Variants in SUPT3H observed in about 807,000 individuals in gnomAD.
The protein encoded by SUPT3H is SPT3 homolog, SAGA and STAGA complex component.
In SUPT3H, 44 loss-of-function variants were observed where a neutral mutation model predicts 44.3. The ratio of observed to expected loss-of-function variants is 0.99; its 90% CI spans 0.78 to 1.28. The LOEUF is 1.28. Among genes scored for constraint, SUPT3H ranks in the 50% most tolerant of loss-of-function variants. The pLI is 0.00. For synonymous variants in SUPT3H, 124 were observed against 125.6 expected (o/e 0.99, Z 0.09); for missense variants, 380 against 387.1 (o/e 0.98, Z 0.15).
chr6:45,071,321 T>A (rs1195544949), intron 3 of SUPT3H, among the ~76,000 whole-genome samples: 1 of 152,082 alleles, frequency 6.6e-6, no homozygotes. Flanking sequence ...TTAGAAACAT[T>A]GAAAAAAATT....
intron 6 of SUPT3H, among the ~76,000 whole-genome samples, chr6:45,001,315 A>T (rs1164733526): frequency 6.6e-6 from 1 of 152,050 alleles, no homozygotes; most frequent in Admixed American, 6.6e-5. Context: ...ATTTAAAAGG[A>T]TGTTCTGAGA....
At chr6:44,814,740 G>A (rs953593200) in intron 11 of SUPT3H, among the ~76,000 whole-genome samples, 4 of 152,008 alleles carry the variant, frequency 2.6e-5, no homozygotes, top group African/African-American at 9.7e-5. Flanking sequence ...GCAGTGGTGT[G>A]ATCTCAGGTC....
chr6:45,150,956 C>T (rs144337829), intron 2 of SUPT3H, among the ~76,000 whole-genome samples: 176 of 152,008 alleles, frequency 1.2e-3, no homozygotes, highest in African/African-American at 4.0e-3. Context: ...CTCCTGACCT[C>T]GTGATCCACC....
At chr6:45,123,311 AC>A (rs1236092048) in intron 2 of SUPT3H, among the ~76,000 whole-genome samples, 5 of 152,074 alleles carry the variant, frequency 3.3e-5, no homozygotes, top group Non-Finnish European at 7.4e-5. Context: ...TTAAAATTCT[AC>A]TATGACAATA....
At chr6:44,903,982 C>A (rs953090498) in intron 10 of SUPT3H, among the ~76,000 whole-genome samples, 7 of 152,096 alleles carry the variant, frequency 4.6e-5, no homozygotes, top group Non-Finnish European at 8.8e-5. Flanking sequence ...ATTCAACAGC[C>A]CTTCATCCTA....
intron 2 of SUPT3H, among the ~76,000 whole-genome samples, chr6:45,161,240 C>A (rs1808909371): frequency 6.6e-6 from 1 of 152,078 alleles, no homozygotes. Flanking sequence ...TTCTTTATAG[C>A]AACACAAGAA....
intron 2 of SUPT3H, among the ~76,000 whole-genome samples, chr6:45,309,668 T>C (rs1783651223): frequency 6.6e-6 from 1 of 151,800 alleles, no homozygotes; most frequent in Admixed American, 6.6e-5. Flanking sequence ...TCAGAGTTAA[T>C]CCAAACAAGA....
At chr6:44,946,461 C>A (rs1773358768) in intron 9 of SUPT3H, among the ~76,000 whole-genome samples, 1 of 152,148 alleles carries the variant, frequency 6.6e-6, no homozygotes, top group Non-Finnish European at 1.5e-5. Flanking sequence ...ATCTGTGATT[C>A]ACGTGAAGAG....
intron 2 of SUPT3H, among the ~76,000 whole-genome samples, chr6:45,257,622 C>CT (rs1232722168): frequency 2.0e-5 from 3 of 152,210 alleles, no homozygotes; most frequent in South Asian, 2.1e-4. Context: ...AATTTATTGT[C>CT]TCACAGTTCT....
chr6:45,040,363 G>A (rs763270763), intron 3 of SUPT3H, among the ~76,000 whole-genome samples: 9 of 152,110 alleles, frequency 5.9e-5, no homozygotes, highest in Non-Finnish European at 1.2e-4. Context: ...AAACAAAAAC[G>A]AGCAGTACTG....
At chr6:45,002,294 A>G (rs1782109181) in intron 6 of SUPT3H, among the ~76,000 whole-genome samples, 1 of 151,940 alleles carries the variant, frequency 6.6e-6, no homozygotes, top group East Asian at 1.9e-4. Context: ...GCTATTATAG[A>G]GCTACAAAAT....
chr6:45,110,411 C>G (rs368830352), intron 2 of SUPT3H, among the ~76,000 whole-genome samples: 1 of 152,140 alleles, frequency 6.6e-6, no homozygotes, highest in Admixed American at 6.5e-5. Context: ...ATGACTAACA[C>G]TTTTAACATT....
rs75663496 is a variant in SUPT3H, at chr6:44,811,339, G to A, written c.*53-1838C>T. On this transcript the variant is annotated intron_variant and NMD_transcript_variant, in intron 11 of 11. Transcript: ENST00000475057. ...CCACAAAGGTATTTATACCCTTTTTGGAGGACAGGGTTAGCATGCATCATG... is the reference window on the plus strand; with the variant it reads ...CCACAAAGGTATTTATACCCTTTTTAGAGGACAGGGTTAGCATGCATCATG... 3.1e-4 allele frequency among the ~76,000 whole-genome samples: 47 copies of A among 152,258 alleles called. 2 individuals carry two copies. The East Asian group carries it at 8.3e-3, about 27-fold the overall frequency.
chr6:44,989,888 T>C (rs780914151), intron 6 of SUPT3H, among the ~76,000 whole-genome samples: 12 of 152,174 alleles, frequency 7.9e-5, no homozygotes, highest in Non-Finnish European at 1.6e-4. Context: ...CTTATATATT[T>C]TGGGTATTAA....
chr6:45,111,717 C>T (rs1800093641), intron 2 of SUPT3H, among the ~76,000 whole-genome samples: 1 of 152,060 alleles, frequency 6.6e-6, no homozygotes, highest in Admixed American at 6.5e-5. Context: ...CTTTTCTATT[C>T]TCTGATGTTG....
chr6:44,882,859 T>G (rs891645206), intron 10 of SUPT3H, among the ~76,000 whole-genome samples: 6 of 152,178 alleles, frequency 3.9e-5, no homozygotes, highest in African/African-American at 1.4e-4. Context: ...AAACTCTCAA[T>G]AAACTAGGTA....
chr6:44,840,779 A>G (rs1021197941), intron 10 of SUPT3H, among the ~76,000 whole-genome samples: 4 of 152,204 alleles, frequency 2.6e-5, no homozygotes, highest in Non-Finnish European at 4.4e-5. Flanking sequence ...AATCTAGGCC[A>G]TTTTCATGCA....
intron 4 of SUPT3H, among the ~76,000 whole-genome samples, chr6:45,016,433 TG>T (rs1193312318): frequency 5.3e-5 from 8 of 151,664 alleles, no homozygotes; most frequent in African/African-American, 1.9e-4. Context: ...GCCATGCTGG[TG>T]TGCTGCACCC....
chr6:45,011,413 T>C (rs1026870367), intron 5 of SUPT3H, among the ~76,000 whole-genome samples: 2 of 152,114 alleles, frequency 1.3e-5, no homozygotes, highest in Non-Finnish European at 2.9e-5. Context: ...TGTGTCTTCA[T>C]AGTAGACCAA....
Sources: allele counts gnomAD v4.1 joint callset (sites outside exome capture counted in the v4.1 genomes callset), GRCh38; gene constraint gnomAD v4.1.1; transcripts MANE v1.5; gene names NCBI Gene and HGNC (gene_info 2026-07-23, HGNC 2026-07-21).